The following CNGA1 variants were observed in gnomAD, a reference collection of about 807,000 sequenced individuals.
CNGA1 encodes the protein cyclic nucleotide gated channel subunit alpha 1, also known as cyclic nucleotide-gated channel alpha-1.
A neutral mutation model predicts 69.7 loss-of-function variants in CNGA1; 53 were observed. That is an observed-to-expected ratio of 0.76 (90% CI 0.61 to 0.96). CNGA1 has a LOEUF of 0.96. Ranked by LOEUF, CNGA1 falls within the 40% of genes least tolerant of loss-of-function variation. The pLI, the probability that CNGA1 is intolerant of heterozygous loss-of-function variation, is 0.00. For missense variants in CNGA1, 739 were observed against 811.2 expected, an observed-to-expected ratio of 0.91 and a Z score of 1.08; for synonymous variants, 249 against 283.5, an observed-to-expected ratio of 0.88 and a Z score of 1.22.
intron 3 of CNGA1, among the ~76,000 whole-genome samples, chr4:47,967,805 C>T (rs1051589053): frequency 2.0e-5 from 3 of 152,052 alleles, no homozygotes; most frequent in African/African-American, 7.2e-5. Flanking sequence ...AGTGAAACCC[C>T]GTCTTTACTA....
intron 2 of CNGA1, among the ~76,000 whole-genome samples, chr4:48,004,324 G>T (rs1017084022): frequency 6.6e-6 from 1 of 152,018 alleles, no homozygotes; most frequent in Non-Finnish European, 1.5e-5. Flanking sequence ...GCCACTACCG[G>T]TCTCCGCGTC....
chr4:47,948,385 T>A (rs1485610039), intron 6 of CNGA1, among the ~76,000 whole-genome samples: 2 of 152,172 alleles, frequency 1.3e-5, no homozygotes, highest in African/African-American at 2.4e-5. Context: ...AAAACAATGA[T>A]CATTGTATGG....
intron 3 of CNGA1, among the ~76,000 whole-genome samples, chr4:47,973,351 C>T (rs1412213059): frequency 2.0e-5 from 3 of 152,088 alleles, no homozygotes; most frequent in Admixed American, 6.6e-5. Context: ...GCTGGGATTA[C>T]AGGCGTGAAC....
Position 47,936,263 on chromosome 4 carries a change from A to T in CNGA1, c.*158T>A. On this transcript the variant is annotated 3_prime_UTR_variant, in exon 11 of 11. Coordinates refer to ENST00000514170, the MANE Select transcript of CNGA1 (RefSeq NM_001379270.1). Reference sequence around the variant, plus strand: ...AGCTTTTTTAATCATAGTATCTCTCAGAGAGGGTGTGGGCCTTGTACCTTG... The same window carrying T: ...AGCTTTTTTAATCATAGTATCTCTCTGAGAGGGTGTGGGCCTTGTACCTTG... 2.8e-6 allele frequency: 2 copies of T among 710,646 alleles called. No individual in the cohort carries two copies. The highest frequency in any genetic ancestry group is 4.8e-6 in the Non-Finnish European group (2 of 413,086). The allele number at this position is 710,646 out of a possible 1,614,324, so 44.0% of individuals were successfully genotyped here. A position where few individuals can be genotyped will look rare whatever the true frequency, so the allele number is the denominator to read the frequency against.
At chr4:47,943,325 A>T (rs1196847445) in intron 7 of CNGA1, 37 bp from the exon 8 acceptor site, 8 of 1,541,852 alleles carry the variant, frequency 5.2e-6, no homozygotes, top group Non-Finnish European at 7.0e-6. Context: ...AAATACAGAA[A>T]TGTTATGGGC....
chr4:47,940,663 T>A, intron 10 of CNGA1, 100 bp downstream of exon 10: 2 of 870,332 alleles, frequency 2.3e-6, no homozygotes, highest in Admixed American at 2.1e-5. Flanking sequence ...CAGATTTTTG[T>A]GAGTTTTCTT....
chr4:47,960,199 T>C (rs192765058), intron 3 of CNGA1, among the ~76,000 whole-genome samples: 12 of 152,170 alleles, frequency 7.9e-5, no homozygotes, highest in African/African-American at 2.2e-4. Context: ...TAAATGCAAA[T>C]TAAAACCACA....
At chr4:48,013,704 C>A (rs991161796) in intron 1 of CNGA1, among the ~76,000 whole-genome samples, 1 of 152,096 alleles carries the variant, frequency 6.6e-6, no homozygotes, top group Admixed American at 6.6e-5. Context: ...GATTTGGGGG[C>A]TCCACTATTG....
intron 3 of CNGA1, among the ~76,000 whole-genome samples, chr4:47,960,240 A>G (rs1740348212): frequency 6.6e-6 from 1 of 152,246 alleles, no homozygotes; most frequent in South Asian, 2.1e-4. Flanking sequence ...TACAATGGCT[A>G]AAATTTAAAA....
intron 2 of CNGA1, among the ~76,000 whole-genome samples, chr4:48,003,194 C>T (rs990338555): frequency 6.6e-6 from 1 of 152,114 alleles, no homozygotes; most frequent in Admixed American, 6.6e-5. Context: ...GGCAGGATAA[C>T]TCAAAGCAAA....
At position 47,970,591 on chromosome 4, in the gene CNGA1, G is replaced by A. The variant is rs541552708; in HGVS notation, c.-15+10802C>T. 2.0e-3 allele frequency among the ~76,000 whole-genome samples: 298 copies of A among 151,860 alleles called. 1 individual carries two copies. Among genetic ancestry groups the A allele is most frequent in the Non-Finnish European group, 3.4e-3 (232 of 67,938 alleles). On this transcript the variant is annotated intron_variant, in intron 3 of 10. Transcript: ENST00000514170. ...CACTTGAACCAGGGAAGTGGAGGTT[G>A]TGGTGGGCAGAGATTGTGCCATTGC...
intron 3 of CNGA1, among the ~76,000 whole-genome samples, chr4:47,971,560 G>A (rs1057059753): frequency 1.3e-5 from 2 of 151,836 alleles, no homozygotes; most frequent in Non-Finnish European, 2.9e-5. Flanking sequence ...TCCTTTTATG[G>A]CATGTGAAAA....
chr4:47,976,256 CAT>C (rs1741383405), intron 3 of CNGA1, among the ~76,000 whole-genome samples: 1 of 30,132 alleles, frequency 3.3e-5, no homozygotes, highest in African/African-American at 3.5e-4. Context: ...TATATATACA[CAT>C]ACATATATAT....
intron 1 of CNGA1, among the ~76,000 whole-genome samples, chr4:48,014,108 C>T (rs1560318767): frequency 6.6e-6 from 1 of 152,184 alleles, no homozygotes; most frequent in Non-Finnish European, 1.5e-5. Flanking sequence ...GTTATTATCG[C>T]ATTCTAATTT....
chr4:47,991,208 C>T (rs193064828), intron 2 of CNGA1, among the ~76,000 whole-genome samples: 101 of 152,256 alleles, frequency 6.6e-4, no homozygotes, highest in Middle Eastern at 3.4e-3. Flanking sequence ...GGCAGTTCTA[C>T]TTTTATTTCT....
chr4:48,005,580 A>G (rs764179106), intron 2 of CNGA1, among the ~76,000 whole-genome samples: 3 of 152,218 alleles, frequency 2.0e-5, no homozygotes, highest in Admixed American at 6.5e-5. Flanking sequence ...TGTACCATCA[A>G]ATACCTATGA....
At chr4:47,947,349 G>A (rs987668173) in intron 6 of CNGA1, among the ~76,000 whole-genome samples, 8 of 152,164 alleles carry the variant, frequency 5.3e-5, no homozygotes, top group Non-Finnish European at 1.2e-4. Flanking sequence ...ACAGCTTCAA[G>A]CAGTATACAG....
At chr4:48,000,936 T>C (rs1714641214) in intron 2 of CNGA1, among the ~76,000 whole-genome samples, 1 of 152,200 alleles carries the variant, frequency 6.6e-6, no homozygotes, top group Non-Finnish European at 1.5e-5. Context: ...GGAGAACTTA[T>C]TGCCAGCAAA....
chr4:47,955,228 G>C (rs2110166637), intron 3 of CNGA1, among the ~76,000 whole-genome samples: 1 of 131,414 alleles, frequency 7.6e-6, no homozygotes, highest in South Asian at 2.3e-4. Flanking sequence ...TATCACCTAG[G>C]CTGGAGTGCA....
Sources: gnomAD v4.1 joint callset for allele counts (sites outside exome capture counted in the v4.1 genomes callset) on GRCh38, gnomAD v4.1.1 for gene constraint, MANE v1.5 for transcripts, NCBI Gene and HGNC (gene_info 2026-07-23, HGNC 2026-07-21) for gene names.